The following ADAMTS3 variants were observed in gnomAD, a reference collection of about 807,000 sequenced individuals.
The protein encoded by ADAMTS3 is A disintegrin and metalloproteinase with thrombospondin motifs 3.
In ADAMTS3, 73 loss-of-function variants were observed where a neutral mutation model predicts 129.0. That is an observed-to-expected ratio of 0.57 (90% CI 0.47 to 0.69). The LOEUF is 0.69. ADAMTS3 is among the 30% of genes least tolerant of loss of function. ADAMTS3 has a pLI of 0.00. For missense variants in ADAMTS3, 1,457 were observed against 1,514.5 expected (o/e 0.96, Z 0.63); for synonymous variants, 477 against 510.8 (o/e 0.93, Z 0.89).
chr4:72,356,288 G>A lies in ADAMTS3; in HGVS notation c.662-16595C>T, dbSNP rs370692102. On this transcript the variant is annotated intron_variant, in intron 4 of 21. Coordinates refer to ENST00000286657, the MANE Select transcript of ADAMTS3 (RefSeq NM_014243.3). ...TGGAAGTGATAATTAAAAAAAAACT[G>A]GAGGTAATTCATACATCCAAGAGTA... Among the ~76,000 whole-genome samples, 13 of 151,904 alleles carry A rather than the reference G, an allele frequency of 8.6e-5. No homozygotes were observed. In the East Asian group the frequency reaches 1.7e-3, roughly 20 times the overall value.
chr4:72,291,051 T>A lies in ADAMTS3; in HGVS notation c.2735A>T (p.Glu912Val). The A allele has an allele frequency of 1.2e-6, 2 of 1,613,964 alleles. No homozygotes were observed. Among genetic ancestry groups the A allele is most frequent in the Non-Finnish European group, 1.7e-6 (2 of 1,179,914 alleles). ...GGTTTTGGTGCAGTGTTCCCATTCTTCTGCTACCCAGCTGTGGGTGCGGGG... is the reference window on the plus strand; with the variant it reads ...GGTTTTGGTGCAGTGTTCCCATTCTACTGCTACCCAGCTGTGGGTGCGGGG... ...QECTHPLWVA[E>V]EWEHCTKTCG... is the part of the protein sequence containing the mutation. Residue 912 changes from glutamate (E) to valine (V), a missense_variant, in exon 20 of 22, where the codon GAA becomes GTA. Physicochemically the swap from Glu to Val is moderately radical, Grantham distance 121. Transcript: ENST00000286657.
intron 3 of ADAMTS3, among the ~76,000 whole-genome samples, chr4:72,528,965 T>C (rs574084095): frequency 1.3e-5 from 2 of 152,248 alleles, no homozygotes; most frequent in East Asian, 1.9e-4. Context: ...ATGCCAATAA[T>C]GGCTAAAGAG....
chr4:72,381,907 T>C (rs1721299310), intron 4 of ADAMTS3, among the ~76,000 whole-genome samples: 1 of 152,204 alleles, frequency 6.6e-6, no homozygotes, highest in Non-Finnish European at 1.5e-5. Flanking sequence ...TCTTTGGGAA[T>C]GGGATCAGGA....
intron 5 of ADAMTS3, among the ~76,000 whole-genome samples, chr4:72,324,535 A>G (rs1405836990): frequency 6.6e-6 from 1 of 152,226 alleles, no homozygotes; most frequent in East Asian, 1.9e-4. Flanking sequence ...AAGTGGAAAA[A>G]TGCATGTATA....
intron 19 of ADAMTS3, among the ~76,000 whole-genome samples, chr4:72,291,744 A>G (rs1718675972): frequency 6.6e-6 from 1 of 152,010 alleles, no homozygotes; most frequent in African/African-American, 2.4e-5. Flanking sequence ...AGCATGATTT[A>G]TAGTCCTTTG....
At chr4:72,397,563 AC>A (rs1488596527) in intron 4 of ADAMTS3, among the ~76,000 whole-genome samples, 1 of 1,060 alleles carries the variant, frequency 9.4e-4, no homozygotes, top group African/African-American at 1.1e-3. Context: ...AGACTCTATT[AC>A]ACACACACAC....
At chr4:72,294,066 AT>A (rs1423964338) in intron 19 of ADAMTS3, among the ~76,000 whole-genome samples, 1 of 152,116 alleles carries the variant, frequency 6.6e-6, no homozygotes, top group East Asian at 1.9e-4. Flanking sequence ...AACAAAAAAA[AT>A]ACAAGAAAAT....
At chr4:72,421,789 A>G (rs1722451965) in intron 3 of ADAMTS3, among the ~76,000 whole-genome samples, 1 of 152,170 alleles carries the variant, frequency 6.6e-6, no homozygotes, top group Admixed American at 6.6e-5. Flanking sequence ...TTCCCGTCAC[A>G]CTATATTAAT....
chr4:72,477,002 A>C (rs1371299188), intron 3 of ADAMTS3, among the ~76,000 whole-genome samples: 2 of 152,198 alleles, frequency 1.3e-5, no homozygotes, highest in African/African-American at 4.8e-5. Flanking sequence ...AAAAATGCTC[A>C]GAAAAATAGG....
chr4:72,322,090 T>A (rs940873062), intron 6 of ADAMTS3, among the ~76,000 whole-genome samples: 5 of 152,242 alleles, frequency 3.3e-5, no homozygotes, highest in Non-Finnish European at 5.9e-5. Context: ...TTTCCTTTTT[T>A]AATATACGGA....
intron 3 of ADAMTS3, among the ~76,000 whole-genome samples, chr4:72,447,537 AT>A (rs1292859540): frequency 6.6e-6 from 1 of 151,774 alleles, no homozygotes; most frequent in East Asian, 2.0e-4. Context: ...ATAATGCCAC[AT>A]TGGAAAATAC....
At chr4:72,476,058 A>G (rs966989164) in intron 3 of ADAMTS3, among the ~76,000 whole-genome samples, 3 of 152,034 alleles carry the variant, frequency 2.0e-5, no homozygotes, top group Non-Finnish European at 4.4e-5. Context: ...CCCTACCTGA[A>G]GAAACTATGA....
At chr4:72,323,508 C>T (rs1719619425) in intron 5 of ADAMTS3, among the ~76,000 whole-genome samples, 1 of 152,084 alleles carries the variant, frequency 6.6e-6, no homozygotes, top group African/African-American at 2.4e-5. Flanking sequence ...ACTGGGGTGC[C>T]TGTGTGACAA....
intron 4 of ADAMTS3, among the ~76,000 whole-genome samples, chr4:72,373,692 T>C (rs1197247834): frequency 2.6e-5 from 4 of 151,904 alleles, no homozygotes; most frequent in Admixed American, 1.3e-4. Context: ...TGGACCCAGA[T>C]GTTTGAGACC....
chr4:72,473,606 G>A (rs1003512191), intron 3 of ADAMTS3, among the ~76,000 whole-genome samples: 3 of 150,814 alleles, frequency 2.0e-5, no homozygotes, highest in Admixed American at 6.6e-5. Flanking sequence ...CAGGCCAAGT[G>A]GGGAGCTTAG....
chr4:72,532,770 G>C (rs1423034740), intron 3 of ADAMTS3, among the ~76,000 whole-genome samples: 1 of 152,032 alleles, frequency 6.6e-6, no homozygotes, highest in Non-Finnish European at 1.5e-5. Flanking sequence ...GAATATTATA[G>C]GAAACTGTCA....
intron 3 of ADAMTS3, among the ~76,000 whole-genome samples, chr4:72,446,593 AGG>A (rs902275304): frequency 6.6e-6 from 1 of 151,692 alleles, no homozygotes; most frequent in African/African-American, 2.4e-5. Flanking sequence ...TAACCTACAC[AGG>A]GGAAGGCTAT....
At chr4:72,374,932 T>C (rs1041439418) in intron 4 of ADAMTS3, among the ~76,000 whole-genome samples, 5 of 152,218 alleles carry the variant, frequency 3.3e-5, no homozygotes, top group African/African-American at 9.6e-5. Context: ...CAAAAGTCCC[T>C]ACCTAAGCTG....
chr4:72,413,374 A>G (rs981204034), intron 4 of ADAMTS3, among the ~76,000 whole-genome samples: 14 of 152,074 alleles, frequency 9.2e-5, no homozygotes, highest in Admixed American at 5.2e-4. Context: ...TTTAGATATT[A>G]GTAATATGGA....
Sources: gnomAD v4.1 joint callset for allele counts (sites outside exome capture counted in the v4.1 genomes callset) on GRCh38, gnomAD v4.1.1 for gene constraint, MANE v1.5 for transcripts, NCBI Gene and HGNC (gene_info 2026-07-23, HGNC 2026-07-21) for gene names.